RAB19: variants seen among roughly 807,000 people sequenced by gnomAD.
RAB19 encodes RAB19, member RAS oncogene family, also known as ras-related protein Rab-19.
RAB19 carries 21 observed loss-of-function variants against 17.3 expected under a neutral mutation model. That is an observed-to-expected ratio of 1.21 (90% CI 0.86 to 1.74). The LOEUF (loss-of-function observed/expected upper bound fraction) is 1.74. Ranked by LOEUF, RAB19 falls within the 40% of genes most tolerant of loss-of-function variation. RAB19 has a pLI of 0.00. For synonymous variants in RAB19, 126 were observed against 110.4 expected (o/e 1.14, Z -0.88); for missense variants, 277 against 286.8 (o/e 0.97, Z 0.25).
At chr7:140,414,281 A>T (rs1324365154) in intron 3 of RAB19, among the ~76,000 whole-genome samples, 1 of 152,090 alleles carries the variant, frequency 6.6e-6, no homozygotes, top group Non-Finnish European at 1.5e-5. Flanking sequence ...ACCTCAGATG[A>T]TCTGCCTACC....
chr7:140,427,600 C>T lies in RAB19; in HGVS notation c.*1450C>T, dbSNP rs369631769. On this transcript the variant is annotated 3_prime_UTR_variant, in exon 4 of 4. Coordinates refer to ENST00000537763, the MANE Select transcript of RAB19 (RefSeq NM_001008749.3). ...CCTAGTAGCTGGGATTACAGCCTCC[C>T]GCCACCACGCCTAGCTAATTTTTGT... is the stretch of plus-strand genomic sequence containing the variant. Among the ~76,000 whole-genome samples, 24 of 150,998 alleles carry T rather than the reference C, an allele frequency of 1.6e-4. No homozygotes were observed. The highest frequency in any genetic ancestry group is 1.9e-4 in the African/African-American group (8 of 41,098).
rs1203381334 is a variant in RAB19 at position 140,427,610 on chromosome 7, C to G, written c.*1460C>G. 2.7e-5 allele frequency among the ~76,000 whole-genome samples: 4 copies of G among 150,850 alleles called. No homozygotes were observed. In the East Asian group the frequency reaches 7.9e-4, roughly 30 times the overall value. On this transcript the variant is annotated 3_prime_UTR_variant, in exon 4 of 4. Transcript: ENST00000537763. ...GGGATTACAGCCTCCCGCCACCACG[C>G]CTAGCTAATTTTTGTGTTTTTAGTA...
At position 140,404,193 on chromosome 7, in the gene RAB19, C is replaced by G. The variant is rs906687043; in HGVS notation, c.-48C>G. 1 of 152,320 alleles carries G rather than the reference C, an allele frequency of 6.6e-6. No individual in the cohort carries two copies. The highest frequency in any genetic ancestry group is 1.5e-5 in the Non-Finnish European group (1 of 68,170). The allele number at this position is 152,320 out of a possible 1,614,324, so 9.4% of individuals were successfully genotyped here. On this transcript the variant is annotated 5_prime_UTR_variant, in exon 1 of 4. Coordinates refer to ENST00000537763, the MANE Select transcript of RAB19 (RefSeq NM_001008749.3). ...GAAAGCGAAAACATTACCTGCTGAC[C>G]AGCAGAGGTGAGAGAGCGAGACAGG...
At chr7:140,405,555 A>AGC (rs1554440483) in intron 1 of RAB19, among the ~76,000 whole-genome samples, 2 of 79,910 alleles carry the variant, frequency 2.5e-5, no homozygotes, top group East Asian at 7.1e-4. Context: ...ATGGGCGGGG[A>AGC]GGGGGGGCGC....
intron 3 of RAB19, 128 bp downstream of exon 3, chr7:140,412,185 C>T: frequency 1.0e-6 from 1 of 985,336 alleles, no homozygotes; most frequent in East Asian, 2.4e-5. Context: ...GGCACAGTGG[C>T]TCACACCTGT....
At position 140,407,728 on chromosome 7, in the gene RAB19, G is replaced by A; in HGVS notation, c.82G>A (p.Val28Met). The change falls in exon 2 of 4, where the codon GTG (valine) becomes ATG (methionine). Residue 28 changes from valine to methionine, a missense_variant. Transcript: ENST00000537763. ...GATTATCCTCATTGGGGATTCCAAT[G>A]TGGGGAAGACGTGTGTGGTGCAGCA... is the stretch of plus-strand genomic sequence containing the variant. Reference protein sequence around the residue: ...FKIILIGDSNVGKTCVVQHFK... With the variant: ...FKIILIGDSNMGKTCVVQHFK... The A allele has an allele frequency of 6.2e-7, 1 of 1,614,114 alleles. No homozygotes were observed. The highest frequency in any genetic ancestry group is 8.5e-7 in the Non-Finnish European group (1 of 1,180,016).
chr7:140,410,949 G>C, intron 2 of RAB19: 1 of 1,367,882 alleles, frequency 7.3e-7, no homozygotes, highest in Non-Finnish European at 9.8e-7. Flanking sequence ...AACATGAACA[G>C]CTTGAGTGTT....
intron 3 of RAB19, among the ~76,000 whole-genome samples, chr7:140,417,484 T>C (rs1799481632): frequency 6.6e-6 from 1 of 151,942 alleles, no homozygotes; most frequent in Admixed American, 6.6e-5. Context: ...GGGTTCCTTT[T>C]CCCACCACAT....
At chr7:140,412,484 C>A (rs1013141279) in intron 3 of RAB19, among the ~76,000 whole-genome samples, 2 of 151,458 alleles carry the variant, frequency 1.3e-5, no homozygotes, top group Admixed American at 1.3e-4. Flanking sequence ...ATGGATAGGG[C>A]CTCAGAAAGT....
intron 3 of RAB19, among the ~76,000 whole-genome samples, chr7:140,418,009 T>C (rs12667917): frequency 0.32 from 48,569 of 152,044 alleles, 8,607 homozygotes; most frequent in East Asian, 0.45. Context: ...CTGGTCTCCA[T>C]GGGCCCCCGT....
intron 2 of RAB19, 134 bp downstream of exon 2, chr7:140,407,981 C>T: frequency 4.2e-6 from 3 of 717,196 alleles, no homozygotes; most frequent in Non-Finnish European, 4.5e-6. Context: ...TCTCCTGCCT[C>T]AGCCTCCAGC....
chr7:140,405,561 G>T (rs922204033), intron 1 of RAB19, among the ~76,000 whole-genome samples: 1 of 151,688 alleles, frequency 6.6e-6, no homozygotes, highest in Non-Finnish European at 1.5e-5. Flanking sequence ...GGGGAGGGGG[G>T]GCGCAGGGCT....
intron 3 of RAB19, among the ~76,000 whole-genome samples, chr7:140,425,175 A>G (rs972642953): frequency 3.9e-5 from 6 of 152,070 alleles, no homozygotes; most frequent in African/African-American, 1.4e-4. Flanking sequence ...AATCTCAGCT[A>G]CTCGGGAGTC....
At chr7:140,418,010 G>A (rs759688019) in intron 3 of RAB19, among the ~76,000 whole-genome samples, 1 of 152,122 alleles carries the variant, frequency 6.6e-6, no homozygotes, top group African/African-American at 2.4e-5. Context: ...TGGTCTCCAT[G>A]GGCCCCCGTT....
intron 2 of RAB19, among the ~76,000 whole-genome samples, chr7:140,410,207 G>A (rs150271841): frequency 0.03 from 4,572 of 150,630 alleles, 153 homozygotes; most frequent in Admixed American, 0.091. Context: ...ATCTCAGCTC[G>A]CTATAGCCTC....
rs183155091 is a variant in RAB19, at chr7:140,426,801, C to T, written c.*651C>T. ...CTAGCAGGGCTGACTTGGCCACCCT[C>T]TTGGGATAGGGGAAGACACCTGCAA... On this transcript the variant is annotated 3_prime_UTR_variant, in exon 4 of 4. Transcript: ENST00000537763. Among the ~76,000 whole-genome samples, 217 of 151,224 alleles carry T rather than the reference C, an allele frequency of 1.4e-3. No homozygotes were observed. Among genetic ancestry groups the T allele is most frequent in the Non-Finnish European group, 2.6e-3 (175 of 67,856 alleles).
chr7:140,424,586 C>CCTCT lies in RAB19; in HGVS notation c.386-1265_386-1262dup, dbSNP rs376517516. Among the ~76,000 whole-genome samples, 640 of 127,582 alleles carry CCTCT rather than the reference C, an allele frequency of 5.0e-3. 2 individuals carry two copies. Among genetic ancestry groups the CCTCT allele is most frequent in the Middle Eastern group, 0.013 (3 of 238 alleles). 83.7% of individuals were successfully genotyped at this position (127,582 alleles called of 152,430 possible). On this transcript the variant is annotated intron_variant, in intron 3 of 3. Coordinates refer to ENST00000537763, the MANE Select transcript of RAB19 (RefSeq NM_001008749.3). ...GGGTGAAGGGTAAACTGGACCTCTC[C>CCTCT]CTCTCTCTCTCTCTCTCTCTCTCTC... is the stretch of plus-strand genomic sequence containing the variant.
intron 2 of RAB19, chr7:140,410,949 G>A (rs1276546104): frequency 1.5e-6 from 2 of 1,367,882 alleles, no homozygotes; most frequent in South Asian, 1.1e-5. Flanking sequence ...AACATGAACA[G>A]CTTGAGTGTT....
intron 2 of RAB19, chr7:140,411,672 TC>T: frequency 7.8e-7 from 1 of 1,273,928 alleles, no homozygotes; most frequent in African/African-American, 1.5e-5. Context: ...TCTTAGATGG[TC>T]GTTCCCCAAC....
Sources: gnomAD v4.1 joint callset for allele counts (sites outside exome capture counted in the v4.1 genomes callset) on GRCh38, gnomAD v4.1.1 for gene constraint, MANE v1.5 for transcripts, NCBI Gene and HGNC (gene_info 2026-07-23, HGNC 2026-07-21) for gene names.